The following GABRB1 variants were observed in gnomAD, a reference collection of about 807,000 sequenced individuals.
The protein encoded by GABRB1 is gamma-aminobutyric acid receptor subunit beta-1.
In GABRB1, 17 loss-of-function variants were observed where a neutral mutation model predicts 51.6. The observed-to-expected ratio is 0.33, with a 90% CI of 0.23 to 0.49. The LOEUF (loss-of-function observed/expected upper bound fraction) is 0.49, where lower values mean the gene tolerates loss of function less well. Among genes scored for constraint, GABRB1 ranks in the 20% least tolerant of loss-of-function variants. The pLI is 0.99. For missense variants in GABRB1, 410 were observed against 600.6 expected, an observed-to-expected ratio of 0.68 and a Z score of 3.32; for synonymous variants, 247 against 218.9, an observed-to-expected ratio of 1.13 and a Z score of -1.14.
intron 3 of GABRB1, among the ~76,000 whole-genome samples, chr4:47,113,386 C>CAAAAA (rs760542350): frequency 3.5e-4 from 37 of 107,076 alleles, no homozygotes; most frequent in African/African-American, 1.1e-3. Flanking sequence ...ACTTCGTCTC[C>CAAAAA]AAAAAAAAAA....
chr4:47,334,009 T>C (rs1725598427), intron 5 of GABRB1, among the ~76,000 whole-genome samples: 2 of 152,202 alleles, frequency 1.3e-5, no homozygotes, highest in Admixed American at 1.3e-4. Context: ...AGGGCTTGCC[T>C]GCCCTCATCT....
At chr4:47,032,570 G>C (rs775871522) in intron 3 of GABRB1, 86 bp downstream of exon 3, 2 of 1,323,776 alleles carry the variant, frequency 1.5e-6, no homozygotes, top group African/African-American at 2.9e-5. Flanking sequence ...TTTCATTGGC[G>C]GTCACCTCGC....
At chr4:47,313,869 C>T (rs999027946) in intron 4 of GABRB1, among the ~76,000 whole-genome samples, 1 of 152,052 alleles carries the variant, frequency 6.6e-6, no homozygotes, top group African/African-American at 2.4e-5. Context: ...TGTATTAGTG[C>T]TGTCCTCCAA....
In GABRB1 at chr4:47,219,617, T is replaced by C. The variant is rs567193411; in HGVS notation, c.461+58148T>C. ...CTTTTCAGTCACTGTTCTTTGGTAA[T>C]AGTCCTTTTAAAAATGTCAACATTC... On this transcript the variant is annotated intron_variant, in intron 4 of 8. Coordinates refer to ENST00000295454, the MANE Select transcript of GABRB1 (RefSeq NM_000812.4). 8.6e-5 allele frequency among the ~76,000 whole-genome samples: 13 copies of C among 151,924 alleles called. No homozygotes were observed. The South Asian group carries it at 2.5e-3, about 29-fold the overall frequency.
chr4:47,318,565 T>C (rs901682268), intron 4 of GABRB1, among the ~76,000 whole-genome samples: 2 of 152,036 alleles, frequency 1.3e-5, no homozygotes, highest in African/African-American at 4.8e-5. Flanking sequence ...GCAGGTAGCA[T>C]ATAAGCAGGG....
intron 5 of GABRB1, among the ~76,000 whole-genome samples, chr4:47,329,885 T>A (rs1725410581): frequency 6.6e-6 from 1 of 151,922 alleles, no homozygotes; most frequent in Non-Finnish European, 1.5e-5. Context: ...AAGACAGATT[T>A]ATTATAAGGA....
chr4:47,186,184 C>T (rs1303329067), intron 4 of GABRB1, among the ~76,000 whole-genome samples: 2 of 145,818 alleles, frequency 1.4e-5, no homozygotes, highest in East Asian at 4.1e-4. Flanking sequence ...CTAAATATAC[C>T]TTCAGTTTCA....
chr4:47,260,854 A>C (rs1331907740), intron 4 of GABRB1, among the ~76,000 whole-genome samples: 1 of 152,166 alleles, frequency 6.6e-6, no homozygotes, highest in East Asian at 1.9e-4. Flanking sequence ...ATCCACCATG[A>C]TCAAGTGGGC....
At chr4:47,373,075 C>T (rs1039307147) in intron 5 of GABRB1, among the ~76,000 whole-genome samples, 5 of 152,152 alleles carry the variant, frequency 3.3e-5, no homozygotes, top group Admixed American at 6.5e-5. Flanking sequence ...GTAAATCATC[C>T]CTGTGGGAAT....
In GABRB1 at chr4:47,369,850, A is replaced by G. The variant is rs568851722; in HGVS notation, c.545-33468A>G. Among the ~76,000 whole-genome samples the G allele has an allele frequency of 1.5e-3, 221 of 152,334 alleles. 1 individual carries two copies. Among genetic ancestry groups the G allele is most frequent in the African/African-American group, 5.1e-3 (213 of 41,586 alleles). ...ATAAAATGGCAGTAGAAAAAAATGC[A>G]TACTTTTCATAATTTCAAGAATAGT... On this transcript the variant is annotated intron_variant, in intron 5 of 8. Coordinates refer to ENST00000295454, the MANE Select transcript of GABRB1 (RefSeq NM_000812.4).
chr4:47,134,366 A>G (rs1716550823), intron 3 of GABRB1, among the ~76,000 whole-genome samples: 1 of 152,172 alleles, frequency 6.6e-6, no homozygotes, highest in Non-Finnish European at 1.5e-5. Flanking sequence ...AAGGTAAATA[A>G]TCCACCCATA....
intron 1 of GABRB1, among the ~76,000 whole-genome samples, chr4:47,009,800 T>C (rs1464373468): frequency 6.6e-6 from 1 of 152,196 alleles, no homozygotes; most frequent in Non-Finnish European, 1.5e-5. Flanking sequence ...CACTGAGTGA[T>C]TGAGGTAGTA....
intron 3 of GABRB1, among the ~76,000 whole-genome samples, chr4:47,077,171 G>C (rs141196836): frequency 1.3e-5 from 2 of 152,104 alleles, no homozygotes; most frequent in Admixed American, 6.6e-5. Flanking sequence ...GGGCTCTATC[G>C]AAATGTACCG....
At chr4:47,300,232 A>G (rs1724205087) in intron 4 of GABRB1, among the ~76,000 whole-genome samples, 1 of 152,108 alleles carries the variant, frequency 6.6e-6, no homozygotes, top group Non-Finnish European at 1.5e-5. Context: ...CTAAGACCTA[A>G]AGTATAATAA....
At chr4:47,268,576 C>T (rs1363936092) in intron 4 of GABRB1, among the ~76,000 whole-genome samples, 1 of 152,094 alleles carries the variant, frequency 6.6e-6, no homozygotes, top group African/African-American at 2.4e-5. Flanking sequence ...CGCTAAGCTC[C>T]CCAAATCATA....
intron 7 of GABRB1, among the ~76,000 whole-genome samples, chr4:47,405,539 C>T (rs1025421843): frequency 6.6e-5 from 10 of 152,086 alleles, no homozygotes; most frequent in African/African-American, 2.4e-4. Context: ...TCTTTTGACC[C>T]TAGCTGGGTG....
At chr4:47,220,307 G>T (rs1346272308) in intron 4 of GABRB1, among the ~76,000 whole-genome samples, 5 of 151,888 alleles carry the variant, frequency 3.3e-5, no homozygotes, top group Non-Finnish European at 7.4e-5. Flanking sequence ...GGCACTTTCT[G>T]AATAATTCTT....
chr4:47,154,882 C>T (rs920491887), intron 3 of GABRB1, among the ~76,000 whole-genome samples: 1 of 152,034 alleles, frequency 6.6e-6, no homozygotes, highest in Non-Finnish European at 1.5e-5. Context: ...TCTTTTGATT[C>T]ACAGTCTCTC....
chr4:47,273,000 A>T (rs959315048), intron 4 of GABRB1, among the ~76,000 whole-genome samples: 1 of 151,774 alleles, frequency 6.6e-6, no homozygotes, highest in Non-Finnish European at 1.5e-5. Flanking sequence ...ACTGTAGTGA[A>T]CTCTCGTTTA....
Sources: gnomAD v4.1 joint callset for allele counts (sites outside exome capture counted in the v4.1 genomes callset) on GRCh38, gnomAD v4.1.1 for gene constraint, MANE v1.5 for transcripts, NCBI Gene and HGNC (gene_info 2026-07-23, HGNC 2026-07-21) for gene names.